PRDM9: variants seen among roughly 807,000 people sequenced by gnomAD.
PRDM9 encodes histone-lysine N-methyltransferase PRDM9.
PRDM9 carries 47 observed loss-of-function variants against 55.6 expected under a neutral mutation model. The ratio of observed to expected loss-of-function variants is 0.85; its 90% confidence interval spans 0.67 to 1.08. The LOEUF is 1.08. Among genes scored for constraint, PRDM9 ranks in the 50% least tolerant of loss-of-function variants. The pLI is 0.00. For synonymous variants in PRDM9, 312 were observed against 375.7 expected (o/e 0.83, Z 1.96); for missense variants, 867 against 1,040.3 (o/e 0.83, Z 2.29).
chr5:23,526,405 G>T lies in PRDM9; in HGVS notation c.1317G>T (p.Gln439His). The change falls in exon 11 of 11, where the codon CAG becomes CAT. Residue 439 changes from glutamine to histidine, a missense_variant. Transcript: ENST00000296682. ...NPCPGDQNQE[Q>H]QYPDPHSRND... ...GCCCAGGGGATCAGAATCAGGAGCA[G>T]CAATATCCAGATCCACACAGCCGTA... 1 of 1,613,952 alleles carries T rather than the reference G, an allele frequency of 6.2e-7. No individual in the cohort carries two copies. The highest frequency in any genetic ancestry group is 8.5e-7 in the Non-Finnish European group (1 of 1,179,998).
At chr5:23,525,035 C>G (rs1435991755) in intron 10 of PRDM9, among the ~76,000 whole-genome samples, 1 of 152,220 alleles carries the variant, frequency 6.6e-6, no homozygotes, top group African/African-American at 2.4e-5. Flanking sequence ...TGATTACATA[C>G]AGACATATGT....
chr5:23,514,734 C>T (rs1049638552), intron 4 of PRDM9, among the ~76,000 whole-genome samples: 2 of 152,140 alleles, frequency 1.3e-5, no homozygotes, highest in African/African-American at 2.4e-5. Flanking sequence ...TGAGCCACTG[C>T]GCCAGGCCAA....
intron 1 of PRDM9, 81 bp from the exon 2 acceptor site, chr5:23,508,869 C>A: frequency 1.3e-6 from 1 of 784,922 alleles, no homozygotes; most frequent in Non-Finnish European, 2.1e-6. Flanking sequence ...TCTGAACACC[C>A]AGCCAGATGG....
At chr5:23,522,592 T>C in intron 7 of PRDM9, 22 bp from the exon 8 acceptor site, 1 of 1,614,226 alleles carries the variant, frequency 6.2e-7, no homozygotes, top group Non-Finnish European at 8.5e-7. Flanking sequence ...ACTTTCCTAA[T>C]CTCTGCTTCC....
Position 23,522,875 on chromosome 5 carries a change from A to G in PRDM9, c.872A>G (p.Tyr291Cys). 1 of 1,614,080 alleles carries G rather than the reference A, an allele frequency of 6.2e-7. No individual in the cohort carries two copies. Among genetic ancestry groups the G allele is most frequent in the South Asian group, 1.1e-5 (1 of 91,082 alleles). Reference protein sequence around the residue: ...TEDEEAANNGYSWLITKGRNC... With the variant: ...TEDEEAANNGCSWLITKGRNC... The stretch of plus-strand genomic sequence containing the variant: ...GACGAAGAGGCAGCCAACAATGGAT[A>G]CTCCTGGCTGGTAAGAAGAGCCTGC... The change falls in exon 8 of 11, where the codon TAC becomes TGC. Residue 291 changes from tyrosine to cysteine, a missense_variant. Physicochemically the swap from Tyr to Cys is radical, Grantham distance 194 (BLOSUM62 -2). Coordinates refer to ENST00000296682, the MANE Select transcript of PRDM9 (RefSeq NM_020227.4).
chr5:23,522,808 C>T lies in PRDM9; in HGVS notation c.805C>T (p.Leu269=), dbSNP rs373471296. 6 of 1,614,108 alleles carry T rather than the reference C, an allele frequency of 3.7e-6. No homozygotes were observed. In the African/African-American group the frequency reaches 5.3e-5, roughly 14 times the overall value. ...ATGGAATGAGGCATCTGATCTGCCG[C>T]TGGGTCTGCACTTTGGCCCTTATGA... ...GVWNEASDLP[L]GLHFGPYEGR... Residue 269 remains leucine (L), a synonymous_variant, in exon 8 of 11, where the codon CTG becomes TTG. Coordinates refer to ENST00000296682, the MANE Select transcript of PRDM9 (RefSeq NM_020227.4).
At chr5:23,516,751 G>A (rs554770219) in intron 4 of PRDM9, among the ~76,000 whole-genome samples, 26 of 145,204 alleles carry the variant, frequency 1.8e-4, no homozygotes, top group South Asian at 6.6e-4. Context: ...ATGGGGTCTC[G>A]CTCTGTCGCC....
At chr5:23,520,057 A>AT (rs1234849264) in intron 5 of PRDM9, among the ~76,000 whole-genome samples, 3 of 148,410 alleles carry the variant, frequency 2.0e-5, no homozygotes, top group East Asian at 4.1e-4. Context: ...AAAATAAAAA[A>AT]AAAAAAGAAT....
At chr5:23,523,848 A>T (rs1369880613) in intron 9 of PRDM9, among the ~76,000 whole-genome samples, 2 of 152,132 alleles carry the variant, frequency 1.3e-5, no homozygotes, top group Admixed American at 6.5e-5. Context: ...TTCTCTGGGA[A>T]TCTGGGGAAG....
rs774371565 is a variant in PRDM9, at chr5:23,517,891, T to A, written c.312T>A (p.Pro104=). The A allele has an allele frequency of 4.4e-6, 7 of 1,601,730 alleles. No individual in the cohort carries two copies. The highest frequency in any genetic ancestry group is 6.0e-6 in the Non-Finnish European group (7 of 1,168,842). The change falls in exon 5 of 11, where the codon CCT becomes CCA. Residue 104 remains proline (P), a synonymous_variant. Transcript: ENST00000296682. The stretch of plus-strand genomic sequence containing the variant: ...CTCATCACCTTTTAGTCAAACCTCC[T>A]TGGATGGCCTTAAGAGTGGAACAGC... The part of the protein sequence containing the change: ...EWTPRQQVKP[P]WMALRVEQRK...
chr5:23,514,067 G>C (rs2126413657), intron 4 of PRDM9, among the ~76,000 whole-genome samples: 1 of 152,294 alleles, frequency 6.6e-6, no homozygotes, highest in Admixed American at 6.5e-5. Context: ...AACAGGATAA[G>C]TGACATCTCG....
chr5:23,510,135 A>T, intron 4 of PRDM9, 108 bp downstream of exon 4: 2 of 1,099,572 alleles, frequency 1.8e-6, no homozygotes, highest in Admixed American at 2.3e-5. Context: ...GCTCACTGCA[A>T]TCTCCACCTC....
In PRDM9 at chr5:23,526,808, C is replaced by T. The variant is rs376222750; in HGVS notation, c.1720C>T (p.His574Tyr). ...ACACCTCCTCATTCACCAGAGGATACACACAGGGGAGAAGCCCTATGTCTG... is the reference window on the plus strand; with the variant it reads ...ACACCTCCTCATTCACCAGAGGATATACACAGGGGAGAAGCCCTATGTCTG... Reference protein sequence around the residue: ...KSHLLIHQRIHTGEKPYVCRE... With the variant: ...KSHLLIHQRIYTGEKPYVCRE... The change falls in exon 11 of 11, where the codon CAC (histidine) becomes TAC (tyrosine). Residue 574 changes from histidine to tyrosine, a missense_variant. Physicochemically the swap from His to Tyr is moderately conservative, Grantham distance 83. Around this residue, in one of 5 missense-constraint regions of PRDM9, gnomAD observed 662 missense variants for 711.9 expected, o/e 0.93. Coordinates refer to ENST00000296682, the MANE Select transcript of PRDM9 (RefSeq NM_020227.4). The T allele has an allele frequency of 6.3e-6, 10 of 1,586,364 alleles. No homozygotes were observed. The highest frequency in any genetic ancestry group is 8.6e-6 in the Non-Finnish European group (10 of 1,167,738).
intron 4 of PRDM9, among the ~76,000 whole-genome samples, chr5:23,517,260 T>C (rs1739232074): frequency 6.6e-6 from 1 of 151,918 alleles, no homozygotes; most frequent in Non-Finnish European, 1.5e-5. Context: ...TCGTGAAAGG[T>C]CAATTTACAT....
intron 5 of PRDM9, among the ~76,000 whole-genome samples, chr5:23,519,743 C>T (rs1266707642): frequency 1.3e-5 from 2 of 151,824 alleles, no homozygotes; most frequent in Non-Finnish European, 2.9e-5. Flanking sequence ...TTCATGTTCA[C>T]TACAATATTA....
At chr5:23,519,457 C>T (rs1405188016) in intron 5 of PRDM9, among the ~76,000 whole-genome samples, 3 of 152,078 alleles carry the variant, frequency 2.0e-5, no homozygotes, top group Non-Finnish European at 2.9e-5. Flanking sequence ...TAACCTCCCC[C>T]TCCTGGGTTC....
At chr5:23,524,078 T>A (rs1739385099) in intron 9 of PRDM9, among the ~76,000 whole-genome samples, 1 of 151,838 alleles carries the variant, frequency 6.6e-6, no homozygotes, top group Non-Finnish European at 1.5e-5. Context: ...AAGTCTGGAG[T>A]TGGGCTTTGA....
intron 4 of PRDM9, among the ~76,000 whole-genome samples, chr5:23,515,870 A>G (rs2126416460): frequency 6.6e-6 from 1 of 152,250 alleles, no homozygotes; most frequent in East Asian, 1.9e-4. Context: ...ATTGGTCTAT[A>G]TGTCTGTCTT....
chr5:23,526,212 A>G (rs1739425368), intron 10 of PRDM9, 21 bp from the exon 11 acceptor site: 1 of 1,609,324 alleles, frequency 6.2e-7, no homozygotes, highest in Admixed American at 1.7e-5. Flanking sequence ...ATCTACCCTG[A>G]CCAAAAACTT....
Sources: gnomAD v4.1 joint callset for allele counts (sites outside exome capture counted in the v4.1 genomes callset) on GRCh38, gnomAD v4.1.1 for gene constraint, gnomAD v4.1.1 regional missense constraint, MANE v1.5 for transcripts, NCBI Gene and HGNC (gene_info 2026-07-23, HGNC 2026-07-21) for gene names.